The following PTDSS1 variants were observed in gnomAD, a reference collection of about 807,000 sequenced individuals.
The protein encoded by PTDSS1 is PSS-1.
PTDSS1 carries 45 observed loss-of-function variants against 70.5 expected under a neutral mutation model. The observed-to-expected ratio is 0.64, with a 90% CI of 0.50 to 0.82. The LOEUF (loss-of-function observed/expected upper bound fraction) is 0.82, where lower values mean the gene tolerates loss of function less well. PTDSS1 is among the 40% of genes least tolerant of loss of function. PTDSS1 has a pLI of 0.00. For missense variants in PTDSS1, 417 were observed against 586.1 expected (o/e 0.71, Z 2.98); for synonymous variants, 188 against 203.8 (o/e 0.92, Z 0.66).
intron 9 of PTDSS1, among the ~76,000 whole-genome samples, chr8:96,319,070 C>T (rs905258712): frequency 2.0e-5 from 3 of 151,840 alleles, no homozygotes; most frequent in African/African-American, 4.8e-5. Context: ...TGTGCCACCA[C>T]GCCTGGCTAA....
At chr8:96,277,414 G>T (rs371055242) in intron 2 of PTDSS1, among the ~76,000 whole-genome samples, 1 of 152,224 alleles carries the variant, frequency 6.6e-6, no homozygotes, top group Non-Finnish European at 1.5e-5. Context: ...CTCCCCAGGA[G>T]CCCATGCTGA....
chr8:96,326,950 A>T (rs1811446702), intron 10 of PTDSS1, among the ~76,000 whole-genome samples: 1 of 152,132 alleles, frequency 6.6e-6, no homozygotes, highest in Admixed American at 6.5e-5. Flanking sequence ...GGTAGCTGGG[A>T]GGGGACTTGA....
At chr8:96,299,183 A>G (rs1016233383) in intron 5 of PTDSS1, among the ~76,000 whole-genome samples, 3 of 152,180 alleles carry the variant, frequency 2.0e-5, no homozygotes, top group African/African-American at 7.2e-5. Flanking sequence ...GAGATTTCCT[A>G]TTAAGCTGTC....
At chr8:96,265,138 G>A (rs1276217526) in intron 1 of PTDSS1, among the ~76,000 whole-genome samples, 1 of 152,162 alleles carries the variant, frequency 6.6e-6, no homozygotes, top group East Asian at 1.9e-4. Context: ...TAACTCCAGT[G>A]CCTTATTATT....
chr8:96,299,593 ACTT>A (rs1811022363), intron 5 of PTDSS1, 98 bp from the exon 6 acceptor site: 2 of 1,255,894 alleles, frequency 1.6e-6, no homozygotes, highest in Non-Finnish European at 2.2e-6. Context: ...AATGTCAACA[ACTT>A]CTTCTAAAAT....
At chr8:96,265,161 T>C (rs1810468751) in intron 1 of PTDSS1, among the ~76,000 whole-genome samples, 1 of 152,222 alleles carries the variant, frequency 6.6e-6, no homozygotes, top group African/African-American at 2.4e-5. Flanking sequence ...TTTTATAAGA[T>C]TTTAGTTGGA....
chr8:96,291,915 A>G (rs1432039988), intron 4 of PTDSS1, among the ~76,000 whole-genome samples: 2 of 152,160 alleles, frequency 1.3e-5, no homozygotes, highest in Non-Finnish European at 2.9e-5. Context: ...AAGATTGGTC[A>G]TGGCTTTGTG....
chr8:96,264,574 A>C (rs1343596439), intron 1 of PTDSS1, among the ~76,000 whole-genome samples: 1 of 152,202 alleles, frequency 6.6e-6, no homozygotes. Context: ...GTTTCTCTGG[A>C]AATTAGAAAA....
intron 1 of PTDSS1, among the ~76,000 whole-genome samples, chr8:96,269,829 C>T (rs1810539507): frequency 6.6e-6 from 1 of 152,146 alleles, no homozygotes; most frequent in African/African-American, 2.4e-5. Flanking sequence ...TATCTCAGAC[C>T]TCAAAGAGTC....
chr8:96,310,257 T>G (rs1438818873), intron 9 of PTDSS1, among the ~76,000 whole-genome samples: 2 of 150,156 alleles, frequency 1.3e-5, no homozygotes. Context: ...CTCTGCCTTC[T>G]GGGCTCAAGT....
chr8:96,276,710 C>G (rs899733800), intron 2 of PTDSS1, among the ~76,000 whole-genome samples: 1 of 152,152 alleles, frequency 6.6e-6, no homozygotes. Flanking sequence ...TGTTTTCTGT[C>G]TCCTGCTGTT....
At chr8:96,312,783 G>T (rs1383958878) in intron 9 of PTDSS1, among the ~76,000 whole-genome samples, 1 of 152,148 alleles carries the variant, frequency 6.6e-6, no homozygotes, top group Non-Finnish European at 1.5e-5. Flanking sequence ...GCCAGCCAGG[G>T]AAGGTGAAAC....
At chr8:96,310,460 C>A (rs896427220) in intron 9 of PTDSS1, among the ~76,000 whole-genome samples, 1 of 151,492 alleles carries the variant, frequency 6.6e-6, no homozygotes. Flanking sequence ...CCGCACCCGG[C>A]CTTGGCTCTC....
chr8:96,296,089 C>T (rs1810970550), intron 5 of PTDSS1, among the ~76,000 whole-genome samples: 1 of 144,582 alleles, frequency 6.9e-6, no homozygotes, highest in Non-Finnish European at 1.5e-5. Flanking sequence ...CCTTCCTGGT[C>T]ATGTGGCATT....
At chr8:96,279,051 C>T (rs1586185796) in intron 2 of PTDSS1, among the ~76,000 whole-genome samples, 1 of 149,912 alleles carries the variant, frequency 6.7e-6, no homozygotes, top group Admixed American at 6.7e-5. Context: ...GCTCACTGCA[C>T]CCTCCACCTC....
chr8:96,326,481 G>A (rs1002226279), intron 10 of PTDSS1, among the ~76,000 whole-genome samples: 5 of 152,166 alleles, frequency 3.3e-5, no homozygotes, highest in Non-Finnish European at 7.3e-5. Context: ...GGAAGCACTC[G>A]GCAGCTTCGT....
In PTDSS1 at chr8:96,334,715, T is replaced by C. The variant is rs541885961; in HGVS notation, c.*1149T>C. 1.6e-4 allele frequency: 24 copies of C among 152,350 alleles called. No individual in the cohort carries two copies. Among genetic ancestry groups the C allele is most frequent in the African/African-American group, 5.5e-4 (23 of 41,572 alleles). The allele number at this position is 152,350 out of a possible 1,614,324, so 9.4% of individuals were successfully genotyped here. ...ATTTTAAAGGGCTTACAGACATATA[T>C]GTCCTACTTCTTAGACTACCCAAGT... On this transcript the variant is annotated 3_prime_UTR_variant, in exon 13 of 13. Transcript: ENST00000517309.
chr8:96,275,508 C>T (rs994786125), intron 2 of PTDSS1, among the ~76,000 whole-genome samples: 1 of 152,142 alleles, frequency 6.6e-6, no homozygotes, highest in Non-Finnish European at 1.5e-5. Context: ...TTTCCCTTCC[C>T]TCTCATTGAA....
In PTDSS1 at chr8:96,295,274, G is replaced by A. The variant is rs1810959328; in HGVS notation, c.600+18G>A. On this transcript the variant is annotated intron_variant, in intron 5 of 12. Transcript: ENST00000517309. ...TGACTGAGGTAAGAAGGAGGGCATT[G>A]GGGGTTCCCCAGACTGTGCCATGTG... 3.1e-6 allele frequency: 5 copies of A among 1,608,478 alleles called. 1 individual carries two copies. Among genetic ancestry groups the A allele is most frequent in the Middle Eastern group, 1.7e-4 (1 of 5,992 alleles).
Sources: gnomAD v4.1 joint callset for allele counts (sites outside exome capture counted in the v4.1 genomes callset) on GRCh38, gnomAD v4.1.1 for gene constraint, MANE v1.5 for transcripts, NCBI Gene and HGNC (gene_info 2026-07-23, HGNC 2026-07-21) for gene names.